The following THRB variants were observed in gnomAD, a reference collection of about 807,000 sequenced individuals.
The protein encoded by THRB is thyroid hormone receptor beta, also known as nuclear receptor subfamily 1 group A member 2.
A neutral mutation model predicts 47.8 loss-of-function variants in THRB; 12 were observed. The ratio of observed to expected loss-of-function variants is 0.25; its 90% CI spans 0.16 to 0.41. THRB has a LOEUF of 0.41. THRB is among the 10% of genes least tolerant of loss of function. The pLI is 1.00. For missense variants in THRB, 348 were observed against 589.2 expected, an observed-to-expected ratio of 0.59 and a Z score of 4.24; for synonymous variants, 218 against 212.2, an observed-to-expected ratio of 1.03 and a Z score of -0.24.
chr3:24,368,406 A>G (rs1465941206), intron 1 of THRB, among the ~76,000 whole-genome samples: 2 of 152,126 alleles, frequency 1.3e-5, no homozygotes, highest in Non-Finnish European at 2.9e-5. Context: ...GTCTAATACA[A>G]TGTACCATTA....
At chr3:24,332,208 C>CT (rs760104107) in intron 2 of THRB, among the ~76,000 whole-genome samples, 2 of 152,094 alleles carry the variant, frequency 1.3e-5, no homozygotes, top group Non-Finnish European at 2.9e-5. Flanking sequence ...CCCATTGTTG[C>CT]TGTTGTCTAG....
chr3:24,474,383 C>G (rs150462345), intron 1 of THRB, among the ~76,000 whole-genome samples: 3 of 152,192 alleles, frequency 2.0e-5, no homozygotes, highest in Non-Finnish European at 4.4e-5. Flanking sequence ...TTTGGCCCAT[C>G]ATACTCTTAT....
At chr3:24,164,924 T>G in intron 5 of THRB, 1 of 612,528 alleles carries the variant, frequency 1.6e-6, no homozygotes, top group Non-Finnish European at 2.9e-6. Flanking sequence ...ATATTTAGCG[T>G]TCAAATTCAA....
chr3:24,123,240 C>T, intron 10 of THRB, 115 bp from the exon 11 acceptor site: 1 of 1,483,866 alleles, frequency 6.7e-7, no homozygotes, highest in East Asian at 2.3e-5. Flanking sequence ...TCCCTCTTAG[C>T]CATGAGCATG....
intron 4 of THRB, among the ~76,000 whole-genome samples, chr3:24,212,827 C>T (rs968526812): frequency 1.3e-5 from 2 of 152,156 alleles, no homozygotes; most frequent in Non-Finnish European, 2.9e-5. Context: ...ATTTCAGTTA[C>T]TGGATTCCTC....
intron 4 of THRB, among the ~76,000 whole-genome samples, chr3:24,221,725 T>TACCTA (rs1576041146): frequency 1.3e-5 from 2 of 152,236 alleles, no homozygotes; most frequent in Non-Finnish European, 2.9e-5. Flanking sequence ...ACTTCCTGAT[T>TACCTA]ACCTAGCTGC....
chr3:24,437,928 T>C (rs2071133968), intron 1 of THRB, among the ~76,000 whole-genome samples: 1 of 151,614 alleles, frequency 6.6e-6, no homozygotes, highest in Non-Finnish European at 1.5e-5. Flanking sequence ...TCAGCTCTCC[T>C]ACTATTTTGC....
intron 4 of THRB, among the ~76,000 whole-genome samples, chr3:24,193,666 T>A (rs545816349): frequency 6.6e-6 from 1 of 152,242 alleles, no homozygotes; most frequent in South Asian, 2.1e-4. Context: ...TGGATGTAAA[T>A]AAGTATTTAC....
rs373029995 is a variant in THRB, at chr3:24,352,424, C to T, written c.-260-15053G>A. 5.3e-5 allele frequency among the ~76,000 whole-genome samples: 8 copies of T among 152,102 alleles called. 1 individual carries two copies. The South Asian group carries it at 6.2e-4, about 12-fold the overall frequency. ...CTGTGAGCTAGAGAAGAGAGGTGAA[C>T]GTGACTGGTCATTGCTTTAGCTAGA... On this transcript the variant is annotated intron_variant, in intron 1 of 10. Coordinates refer to ENST00000646209, the MANE Select transcript of THRB (RefSeq NM_001354712.2).
chr3:24,471,894 T>G (rs1560272094), intron 1 of THRB, among the ~76,000 whole-genome samples: 1 of 152,196 alleles, frequency 6.6e-6, no homozygotes. Flanking sequence ...GATATTCTTC[T>G]GAGGCTTCCC....
intron 1 of THRB, among the ~76,000 whole-genome samples, chr3:24,438,561 A>G (rs2071220154): frequency 6.7e-6 from 1 of 150,112 alleles, no homozygotes; most frequent in Non-Finnish European, 1.5e-5. Flanking sequence ...TCTTTAAAGA[A>G]TAAAATGGCA....
chr3:24,194,019 C>G (rs2043666622), intron 4 of THRB, among the ~76,000 whole-genome samples: 1 of 152,176 alleles, frequency 6.6e-6, no homozygotes, highest in Non-Finnish European at 1.5e-5. Context: ...TGAAGTAACT[C>G]AGGAATGGAA....
At chr3:24,267,520 A>G (rs1052493780) in intron 3 of THRB, among the ~76,000 whole-genome samples, 2 of 152,148 alleles carry the variant, frequency 1.3e-5, no homozygotes, top group African/African-American at 4.8e-5. Flanking sequence ...TCATCTATGC[A>G]CTTCCTTGTA....
intron 1 of THRB, among the ~76,000 whole-genome samples, chr3:24,367,424 G>A (rs1205447428): frequency 6.6e-6 from 1 of 152,156 alleles, no homozygotes; most frequent in Non-Finnish European, 1.5e-5. Flanking sequence ...GCAGCGACAT[G>A]AAATAACAAT....
chr3:24,245,168 T>A (rs1243064011), intron 3 of THRB, among the ~76,000 whole-genome samples: 6 of 152,190 alleles, frequency 3.9e-5, no homozygotes, highest in Non-Finnish European at 8.8e-5. Context: ...CCATTAATAA[T>A]TAGAATGTTT....
chr3:24,259,712 T>C (rs1272128390), intron 3 of THRB, among the ~76,000 whole-genome samples: 1 of 151,814 alleles, frequency 6.6e-6, no homozygotes, highest in Non-Finnish European at 1.5e-5. Flanking sequence ...TGTTTGTTTT[T>C]AATATATTGG....
intron 2 of THRB, among the ~76,000 whole-genome samples, chr3:24,303,954 A>C (rs1022207318): frequency 6.6e-6 from 1 of 152,154 alleles, no homozygotes; most frequent in African/African-American, 2.4e-5. Flanking sequence ...TTGATCATAG[A>C]GTATTCTTTC....
At chr3:24,480,889 A>G (rs966252603) in intron 1 of THRB, among the ~76,000 whole-genome samples, 3 of 152,220 alleles carry the variant, frequency 2.0e-5, no homozygotes, top group Admixed American at 1.3e-4. Flanking sequence ...CTCTGTGTCC[A>G]GTGAGTTCCT....
intron 1 of THRB, among the ~76,000 whole-genome samples, chr3:24,413,395 A>G (rs2068473828): frequency 6.6e-6 from 1 of 151,760 alleles, no homozygotes; most frequent in South Asian, 2.1e-4. Flanking sequence ...TATATGGTAA[A>G]TTCTTTGGGG....
Sources: gnomAD v4.1 joint callset for allele counts (sites outside exome capture counted in the v4.1 genomes callset) on GRCh38, gnomAD v4.1.1 for gene constraint, MANE v1.5 for transcripts, NCBI Gene and HGNC (gene_info 2026-07-23, HGNC 2026-07-21) for gene names.